CNTN5: variants seen among roughly 807,000 people sequenced by gnomAD.
CNTN5 encodes contactin 5, also known as contactin-5.
Under a neutral mutation model 129.1 loss-of-function variants are expected in CNTN5, and 77 were observed. The observed-to-expected ratio is 0.60, with a 90% CI of 0.50 to 0.72. CNTN5 has a LOEUF of 0.72. Among genes scored for constraint, CNTN5 ranks in the 30% least tolerant of loss-of-function variants. The probability of loss-of-function intolerance (pLI) is 0.00; values close to 1 mark genes in which losing one functional copy is unlikely to be tolerated. For synonymous variants in CNTN5, 509 were observed against 465.6 expected (o/e 1.09, Z -1.20); for missense variants, 1,478 against 1,328.8 (o/e 1.11, Z -1.75).
chr11:99,332,281 CCTA>C (rs1425499558), intron 2 of CNTN5, among the ~76,000 whole-genome samples: 2 of 140,282 alleles, frequency 1.4e-5, no homozygotes, highest in African/African-American at 2.7e-5. Context: ...AAGATCAAAT[CCTA>C]CTATTTCCAC....
intron 2 of CNTN5, among the ~76,000 whole-genome samples, chr11:99,339,587 G>C (rs910954119): frequency 5.9e-5 from 9 of 152,122 alleles, no homozygotes; most frequent in African/African-American, 2.2e-4. Flanking sequence ...AGACCATCCT[G>C]GCTAACACAG....
chr11:99,662,398 A>G (rs1281108918), intron 3 of CNTN5, among the ~76,000 whole-genome samples: 1 of 152,212 alleles, frequency 6.6e-6, no homozygotes, highest in Admixed American at 6.5e-5. Context: ...TAAGAAATGT[A>G]AAACAGCATG....
chr11:100,299,426 T>C (rs200279251), intron 20 of CNTN5, 30 bp downstream of exon 20: 2 of 1,369,314 alleles, frequency 1.5e-6, no homozygotes, highest in Non-Finnish European at 1.0e-6. Context: ...TTATTTTTAT[T>C]TAACATTTTA....
intron 3 of CNTN5, among the ~76,000 whole-genome samples, chr11:99,655,211 G>T (rs1181462052): frequency 6.6e-6 from 1 of 152,034 alleles, no homozygotes; most frequent in Non-Finnish European, 1.5e-5. Context: ...GGGACAATGA[G>T]TATCAAATCA....
chr11:100,123,752 AT>A (rs1480137819), intron 13 of CNTN5, among the ~76,000 whole-genome samples: 1 of 152,028 alleles, frequency 6.6e-6, no homozygotes. Flanking sequence ...CTATAATGCA[AT>A]TAAATGGGTT....
At chr11:99,215,281 G>A (rs1860057816) in intron 1 of CNTN5, among the ~76,000 whole-genome samples, 1 of 152,092 alleles carries the variant, frequency 6.6e-6, no homozygotes. Context: ...CTCTTAGAAG[G>A]TGGAAAAGTC....
At chr11:99,031,326 A>G (rs1436540407) in intron 1 of CNTN5, among the ~76,000 whole-genome samples, 1 of 152,188 alleles carries the variant, frequency 6.6e-6, no homozygotes. Context: ...AAATCATATA[A>G]TATTTTAAGT....
At chr11:99,410,419 G>A (rs1408523014) in intron 2 of CNTN5, among the ~76,000 whole-genome samples, 1 of 152,122 alleles carries the variant, frequency 6.6e-6, no homozygotes, top group South Asian at 2.1e-4. Flanking sequence ...AGACTGGCAA[G>A]CTAGATCCAT....
At chr11:100,343,832 A>G (rs1317775628) in intron 23 of CNTN5, among the ~76,000 whole-genome samples, 2 of 152,090 alleles carry the variant, frequency 1.3e-5, no homozygotes, top group Non-Finnish European at 2.9e-5. Flanking sequence ...AATTACTGCC[A>G]ACCAAGAGTG....
intron 3 of CNTN5, among the ~76,000 whole-genome samples, chr11:99,815,461 G>A (rs995212092): frequency 6.6e-6 from 1 of 152,124 alleles, no homozygotes; most frequent in South Asian, 2.1e-4. Flanking sequence ...GAGAGAGGAG[G>A]AGACCCCACA....
intron 2 of CNTN5, among the ~76,000 whole-genome samples, chr11:99,492,357 G>C (rs965282067): frequency 2.0e-5 from 3 of 152,086 alleles, no homozygotes; most frequent in Non-Finnish European, 4.4e-5. Context: ...TTCCAATCTT[G>C]CTTCCTTCAG....
At chr11:99,514,110 G>C (rs1352361513) in intron 2 of CNTN5, among the ~76,000 whole-genome samples, 2 of 152,042 alleles carry the variant, frequency 1.3e-5, no homozygotes, top group African/African-American at 2.4e-5. Context: ...TGAATTTTAG[G>C]GGTCCAAGAC....
chr11:99,906,075 C>T (rs1305731375), intron 6 of CNTN5, among the ~76,000 whole-genome samples: 5 of 152,134 alleles, frequency 3.3e-5, no homozygotes, highest in African/African-American at 1.2e-4. Context: ...GTCGTGTCTC[C>T]TGCAAACAGA....
intron 2 of CNTN5, among the ~76,000 whole-genome samples, chr11:99,408,233 A>G (rs1283673276): frequency 6.6e-6 from 1 of 151,192 alleles, no homozygotes; most frequent in African/African-American, 2.4e-5. Flanking sequence ...ATTATTAGAT[A>G]CAAGAGACTG....
chr11:99,688,862 G>C (rs1953910229), intron 3 of CNTN5, among the ~76,000 whole-genome samples: 1 of 152,014 alleles, frequency 6.6e-6, no homozygotes, highest in Non-Finnish European at 1.5e-5. Context: ...GCAGTATTTG[G>C]TTTACTGTTC....
At chr11:99,370,973 T>A (rs1427078291) in intron 2 of CNTN5, among the ~76,000 whole-genome samples, 1 of 152,214 alleles carries the variant, frequency 6.6e-6, no homozygotes, top group African/African-American at 2.4e-5. Flanking sequence ...TTCCAGCAGC[T>A]GTCAGAGAGG....
intron 1 of CNTN5, among the ~76,000 whole-genome samples, chr11:99,148,923 C>T (rs1859916207): frequency 6.6e-6 from 1 of 151,760 alleles, no homozygotes; most frequent in Non-Finnish European, 1.5e-5. Flanking sequence ...CTTCTCAAAC[C>T]CTTCTATCCT....
intron 13 of CNTN5, 64 bp downstream of exon 13, chr11:100,074,358 A>G: frequency 3.8e-6 from 5 of 1,325,176 alleles, no homozygotes; most frequent in Non-Finnish European, 5.3e-6. Flanking sequence ...GGTGACACAC[A>G]CAAACTATGC....
chr11:100,087,540 A>G (rs1944601099), intron 13 of CNTN5, among the ~76,000 whole-genome samples: 1 of 151,824 alleles, frequency 6.6e-6, no homozygotes, highest in African/African-American at 2.4e-5. Context: ...AACATAGATG[A>G]CATTATATAA....
Sources: allele counts gnomAD v4.1 joint callset (sites outside exome capture counted in the v4.1 genomes callset), GRCh38; gene constraint gnomAD v4.1.1; transcripts MANE v1.5; gene names NCBI Gene and HGNC (gene_info 2026-07-23, HGNC 2026-07-21).